REV3L: variants seen among roughly 807,000 people sequenced by gnomAD.
REV3L encodes DNA polymerase zeta catalytic subunit.
Under a neutral mutation model 299.4 loss-of-function variants are expected in REV3L, and 69 were observed. The ratio of observed to expected loss-of-function variants is 0.23; its 90% CI spans 0.19 to 0.28. REV3L has a LOEUF of 0.28. Among genes scored for constraint, REV3L ranks in the 10% least tolerant of loss-of-function variants. The probability of loss-of-function intolerance (pLI) is 1.00; values close to 1 mark genes in which losing one functional copy is unlikely to be tolerated. For missense variants in REV3L, 3,128 were observed against 3,693.8 expected (o/e 0.85, Z 3.97); for synonymous variants, 1,238 against 1,271.4 (o/e 0.97, Z 0.56).
At position 111,381,388 on chromosome 6, in the gene REV3L, G is replaced by A. The variant is rs1264461573; in HGVS notation, c.1153C>T (p.Leu385Phe). The A allele has an allele frequency of 6.2e-7, 1 of 1,613,250 alleles. No individual in the cohort carries two copies. Among genetic ancestry groups the A allele is most frequent in the East Asian group, 2.2e-5 (1 of 44,788 alleles). ...ALINEEAILN[L>F]MENSQTFQPL... is the part of the protein sequence containing the mutation. ...TGAAAAGTCTGACTATTTTCCATAA[G>A]GTTCAAAATTGCTTCTTCATTAATA... Residue 385 changes from leucine to phenylalanine, a missense_variant, in exon 10 of 32, where the codon CTT becomes TTT. By Grantham distance (22) the Leu-to-Phe change is conservative. Around this residue, in one of 9 missense-constraint regions of REV3L, gnomAD observed 2,409 missense variants for 2,611.8 expected, o/e 0.92. Coordinates refer to ENST00000368802, the MANE Select transcript of REV3L (RefSeq NM_001372078.1).
At chr6:111,426,242 G>A (rs577413513) in intron 1 of REV3L, among the ~76,000 whole-genome samples, 28 of 152,294 alleles carry the variant, frequency 1.8e-4, no homozygotes, top group African/African-American at 6.3e-4. Flanking sequence ...TCAGAAAACC[G>A]AGAATTTGTT....
In REV3L at chr6:111,367,383, A is replaced by G. The variant is rs1308299913; in HGVS notation, c.6405T>C (p.Asp2135=). ...TATCATCTCCATTTAATGCTTTGGA[A>G]TCTGGGGATATTGGTTGTTGCCAAG... ...IPPWQQPISP[D]SKALNGDDRP... The change falls in exon 14 of 32, where the codon GAT becomes GAC. Residue 2135 remains aspartate, a synonymous_variant. Coordinates refer to ENST00000368802, the MANE Select transcript of REV3L (RefSeq NM_001372078.1). 1 of 1,609,838 alleles carries G rather than the reference A, an allele frequency of 6.2e-7. No homozygotes were observed. Among genetic ancestry groups the G allele is most frequent in the Non-Finnish European group, 8.5e-7 (1 of 1,178,376 alleles).
At chr6:111,357,873 C>T (rs1410744112) in intron 17 of REV3L, among the ~76,000 whole-genome samples, 1 of 152,134 alleles carries the variant, frequency 6.6e-6, no homozygotes, top group African/African-American at 2.4e-5. Flanking sequence ...TAGTGCTGGC[C>T]TATTTCATGA....
chr6:111,479,527 T>TA (rs1793363141), intron 1 of REV3L, among the ~76,000 whole-genome samples: 2 of 149,644 alleles, frequency 1.3e-5, no homozygotes. Context: ...TTTTTTTTTT[T>TA]AAGACAGGCT....
chr6:111,332,885 C>G (rs1030912499), intron 23 of REV3L, among the ~76,000 whole-genome samples: 3 of 152,146 alleles, frequency 2.0e-5, no homozygotes, highest in Non-Finnish European at 4.4e-5. Context: ...GAAACAGTTG[C>G]AAGGCTGACC....
At chr6:111,451,997 A>G (rs1789600042) in intron 1 of REV3L, among the ~76,000 whole-genome samples, 1 of 152,184 alleles carries the variant, frequency 6.6e-6, no homozygotes, top group Non-Finnish European at 1.5e-5. Flanking sequence ...TCCAGAATGA[A>G]TAAAGAACCC....
Position 111,303,671 on chromosome 6 carries a change from CTTTTTTTTTTTTTTTTTAA to C in REV3L, c.9253-3534_9253-3516del, listed in dbSNP as rs1771885409. ...CGTGAGCCATGATCCCCAGCCGAGGCTTTTTTTTTTTTTTTTTAACAGACTATGACTTTTTTTTTTTTTT... is the reference window on the plus strand; with the variant it reads ...CGTGAGCCATGATCCCCAGCCGAGGCCAGACTATGACTTTTTTTTTTTTTT... On this transcript the variant is annotated intron_variant, in intron 31 of 31. Transcript: ENST00000368802. 2.0e-4 allele frequency among the ~76,000 whole-genome samples: 11 copies of C among 56,098 alleles called. 1 individual carries two copies. The Admixed American group carries it at 2.7e-3, about 14-fold the overall frequency. 36.8% of individuals were successfully genotyped at this position (56,098 alleles called of 152,430 possible).
At chr6:111,474,124 C>A (rs1792612369) in intron 1 of REV3L, among the ~76,000 whole-genome samples, 1 of 152,102 alleles carries the variant, frequency 6.6e-6, no homozygotes, top group Non-Finnish European at 1.5e-5. Context: ...TATTTTTTGA[C>A]ACATGTAATG....
intron 14 of REV3L, among the ~76,000 whole-genome samples, chr6:111,366,866 C>G (rs1045928209): frequency 3.9e-5 from 6 of 152,084 alleles, no homozygotes; most frequent in African/African-American, 1.4e-4. Context: ...ACAGGAAAGT[C>G]AAGTTGAGAA....
chr6:111,428,950 A>G (rs546227445), intron 1 of REV3L, among the ~76,000 whole-genome samples: 1 of 152,280 alleles, frequency 6.6e-6, no homozygotes, highest in Non-Finnish European at 1.5e-5. Flanking sequence ...TAATAATGAA[A>G]CACTCAAAGG....
chr6:111,406,419 T>G (rs1374244259), intron 3 of REV3L, among the ~76,000 whole-genome samples: 1 of 152,176 alleles, frequency 6.6e-6, no homozygotes, highest in African/African-American at 2.4e-5. Context: ...TAGTGAAATT[T>G]GTCTGAGAGG....
chr6:111,389,424 C>T (rs1288510265), intron 6 of REV3L, among the ~76,000 whole-genome samples: 3 of 152,082 alleles, frequency 2.0e-5, no homozygotes, highest in Non-Finnish European at 4.4e-5. Flanking sequence ...GAATACAATT[C>T]AAACATCTGA....
intron 28 of REV3L, chr6:111,311,736 C>T (rs2114726979): frequency 6.6e-6 from 1 of 151,922 alleles, no homozygotes; most frequent in Non-Finnish European, 1.5e-5. Flanking sequence ...TGATAAATAA[C>T]TATGACAGAA....
intron 1 of REV3L, among the ~76,000 whole-genome samples, chr6:111,422,619 T>TATATATATACAC (rs1785579960): frequency 3.5e-5 from 1 of 28,952 alleles, no homozygotes; most frequent in African/African-American, 7.8e-5. Flanking sequence ...TATACACATA[T>TATATATATACAC]ATATATATAT....
chr6:111,358,770 A>G, intron 17 of REV3L, 52 bp downstream of exon 17: 1 of 1,385,852 alleles, frequency 7.2e-7, no homozygotes, highest in Non-Finnish European at 9.9e-7. Context: ...TTCCCCATTA[A>G]AACATTCACC....
intron 9 of REV3L, among the ~76,000 whole-genome samples, chr6:111,382,033 G>C (rs541724341): frequency 2.6e-4 from 39 of 152,238 alleles, no homozygotes; most frequent in African/African-American, 8.9e-4. Context: ...GTTTTTAAGT[G>C]CTATAAAAAT....
chr6:111,456,354 A>G (rs1790157190), intron 1 of REV3L, among the ~76,000 whole-genome samples: 1 of 152,160 alleles, frequency 6.6e-6, no homozygotes, highest in Admixed American at 6.5e-5. Context: ...GGAATTTAAC[A>G]CACTAAACAA....
At chr6:111,473,562 G>A (rs1453739222) in intron 1 of REV3L, among the ~76,000 whole-genome samples, 2 of 151,662 alleles carry the variant, frequency 1.3e-5, no homozygotes, top group Admixed American at 6.6e-5. Context: ...TACAGCCCAA[G>A]TCATCATAAA....
At position 111,383,478 on chromosome 6, in the gene REV3L, T is replaced by G. The variant is rs567611556; in HGVS notation, c.1097-2034A>C. Among the ~76,000 whole-genome samples the G allele has an allele frequency of 2.7e-3, 414 of 152,174 alleles. 1 individual carries two copies. Among genetic ancestry groups the G allele is most frequent in the South Asian group, 6.4e-3 (31 of 4,822 alleles). On this transcript the variant is annotated intron_variant, in intron 9 of 31. Transcript: ENST00000368802. ...TTCTATATGCCAACAGTGAACAATC[T>G]GAATAAGAAACCAAGAAAGTAATCC...
Sources: allele counts gnomAD v4.1 joint callset (sites outside exome capture counted in the v4.1 genomes callset), GRCh38; gene constraint gnomAD v4.1.1; regional missense constraint gnomAD v4.1.1; transcripts MANE v1.5; gene names NCBI Gene and HGNC (gene_info 2026-07-23, HGNC 2026-07-21).